The following RAP1GAP2 variants were observed in gnomAD, a reference collection of about 807,000 sequenced individuals.
The protein encoded by RAP1GAP2 is rap1 GTPase-activating protein 2.
A neutral mutation model predicts 95.0 loss-of-function variants in RAP1GAP2; 27 were observed. The ratio of observed to expected loss-of-function variants is 0.28; its 90% CI spans 0.21 to 0.39. RAP1GAP2 has a LOEUF of 0.39. RAP1GAP2 is among the 10% of genes least tolerant of loss of function. The pLI is 1.00. For synonymous variants in RAP1GAP2, 373 were observed against 380.9 expected (o/e 0.98, Z 0.24); for missense variants, 771 against 970.0 (o/e 0.79, Z 2.72).
intron 2 of RAP1GAP2, among the ~76,000 whole-genome samples, chr17:2,832,314 T>G (rs1435763563): frequency 6.6e-6 from 1 of 151,604 alleles, no homozygotes; most frequent in African/African-American, 2.4e-5. Flanking sequence ...ATCCCAGCAC[T>G]TTGGGAGGCC....
At chr17:2,995,681 C>T (rs1342285976) in intron 13 of RAP1GAP2, among the ~76,000 whole-genome samples, 2 of 150,218 alleles carry the variant, frequency 1.3e-5, no homozygotes, top group Non-Finnish European at 2.9e-5. Context: ...GCCGAGGCCA[C>T]ACCTCAGGGG....
chr17:2,838,414 T>C lies in RAP1GAP2; in HGVS notation c.80+37864T>C, dbSNP rs951466386. Reference sequence around the variant, plus strand: ...CATGCTGAACCCAGGGGGTGGTGTGTGCTGCCCTGCAAGGTGATTCTTCTG... The same window carrying C: ...CATGCTGAACCCAGGGGGTGGTGTGCGCTGCCCTGCAAGGTGATTCTTCTG... On this transcript the variant is annotated intron_variant, in intron 2 of 24. Transcript: ENST00000254695. Among the ~76,000 whole-genome samples the C allele has an allele frequency of 1.4e-4, 22 of 152,172 alleles. 1 individual carries two copies. The highest frequency in any genetic ancestry group is 5.3e-4 in the African/African-American group (22 of 41,538).
chr17:2,797,663 G>C lies in RAP1GAP2; in HGVS notation c.44+1092G>C, dbSNP rs543215623. 5.1e-6 allele frequency: 5 copies of C among 981,814 alleles called. No individual in the cohort carries two copies. The highest frequency in any genetic ancestry group is 3.6e-6 in the Non-Finnish European group (3 of 826,772). The allele number at this position is 981,814 out of a possible 1,614,324, so 60.8% of individuals were successfully genotyped here. A position where few individuals can be genotyped will look rare whatever the true frequency, so the allele number is the denominator to read the frequency against. The stretch of plus-strand genomic sequence containing the variant: ...TGCCATCCATCCTCTGGCAGGGGGG[G>C]ACTGTGGGCACTCCATGTTTGGCAG... On this transcript the variant is annotated intron_variant, in intron 1 of 24. Transcript: ENST00000254695. The surrounding 1 kb of genome is among the most constrained non-coding windows in gnomAD (Gnocchi z 5.6).
chr17:2,783,543 G>A (rs900299776), intron 1 of RAP1GAP2, among the ~76,000 whole-genome samples: 6 of 152,176 alleles, frequency 3.9e-5, no homozygotes, highest in African/African-American at 1.2e-4. Flanking sequence ...TACACAACAG[G>A]GACTGTTGCA....
intron 1 of RAP1GAP2, among the ~76,000 whole-genome samples, chr17:2,763,521 C>T (rs1469727019): frequency 3.9e-5 from 6 of 152,006 alleles, no homozygotes; most frequent in Admixed American, 3.9e-4. Flanking sequence ...CATGGTGCAA[C>T]CCTGTCTCTA....
At chr17:3,014,319 A>G (rs1287189124) in intron 17 of RAP1GAP2, among the ~76,000 whole-genome samples, 5 of 152,270 alleles carry the variant, frequency 3.3e-5, no homozygotes, top group African/African-American at 4.8e-5. Flanking sequence ...TAATTGTAAC[A>G]CAAAGACAGG....
At chr17:2,800,476 C>T (rs1345774409) in intron 1 of RAP1GAP2, 39 bp from the exon 2 acceptor site, 1 of 1,604,098 alleles carries the variant, frequency 6.2e-7, no homozygotes, top group Non-Finnish European at 8.5e-7. Flanking sequence ...GAGTCTTCAG[C>T]CTCAGCACTG....
chr17:2,939,467 C>T (rs575396571), intron 3 of RAP1GAP2, among the ~76,000 whole-genome samples: 64 of 152,330 alleles, frequency 4.2e-4, no homozygotes, highest in African/African-American at 1.4e-3. Flanking sequence ...GATGCAGGCA[C>T]CGGTCTCTCT....
Position 3,021,430 on chromosome 17 carries a change from CTT to C in RAP1GAP2, c.1751+860_1751+861del, listed in dbSNP as rs57099220. On this transcript the variant is annotated intron_variant, in intron 19 of 24. Transcript: ENST00000254695. ...ATGAATGAGAACATGCGATATTTGT[CTT>C]TTTTTTTTTTTTTTTTTTTTTTTTG... 6.2e-3 allele frequency among the ~76,000 whole-genome samples: 592 copies of C among 95,652 alleles called. 2 individuals are homozygous for C. The highest frequency in any genetic ancestry group is 0.022 in the African/African-American group (558 of 25,282). 62.8% of individuals were successfully genotyped at this position (95,652 alleles called of 152,430 possible).
At chr17:3,026,695 C>T (rs1200778518) in intron 21 of RAP1GAP2, among the ~76,000 whole-genome samples, 5 of 152,218 alleles carry the variant, frequency 3.3e-5, no homozygotes, top group South Asian at 2.1e-4. Context: ...GGGCCAGACC[C>T]GATGGTGCCC....
chr17:2,941,518 C>T (rs1051676701), intron 3 of RAP1GAP2, among the ~76,000 whole-genome samples: 11 of 151,990 alleles, frequency 7.2e-5, no homozygotes, highest in Non-Finnish European at 1.3e-4. Context: ...GGCAGGAGCC[C>T]GAGGCGCTGT....
chr17:2,970,672 C>CTTG, intron 8 of RAP1GAP2, among the ~76,000 whole-genome samples: 1 of 152,258 alleles, frequency 6.6e-6, no homozygotes, highest in Middle Eastern at 3.4e-3. Context: ...TTAAGAACTG[C>CTTG]CTCTATTTAT....
intron 3 of RAP1GAP2, among the ~76,000 whole-genome samples, chr17:2,917,490 G>A (rs938367729): frequency 4.0e-5 from 6 of 151,726 alleles, no homozygotes; most frequent in African/African-American, 7.3e-5. Context: ...GGCTGGTCTC[G>A]AACTCCTGAC....
chr17:3,019,453 C>T (rs1044549541), intron 18 of RAP1GAP2, among the ~76,000 whole-genome samples: 1 of 149,808 alleles, frequency 6.7e-6, no homozygotes, highest in African/African-American at 2.5e-5. Context: ...GGTTGAGGCT[C>T]TAGCGAGCCG....
chr17:3,022,333 C>G (rs1429138772), intron 19 of RAP1GAP2, among the ~76,000 whole-genome samples: 1 of 152,172 alleles, frequency 6.6e-6, no homozygotes, highest in East Asian at 1.9e-4. Flanking sequence ...AATAGTGCAA[C>G]TACTTTGGAA....
At chr17:2,778,165 T>C (rs1424294656) in intron 1 of RAP1GAP2, among the ~76,000 whole-genome samples, 3 of 150,566 alleles carry the variant, frequency 2.0e-5, no homozygotes, top group Non-Finnish European at 3.0e-5. Context: ...TGGTGCTGGG[T>C]TTTCTGAGTC....
intron 1 of RAP1GAP2, among the ~76,000 whole-genome samples, chr17:2,785,763 G>C (rs2068757035): frequency 6.6e-6 from 1 of 152,186 alleles, no homozygotes; most frequent in Non-Finnish European, 1.5e-5. Context: ...TTAATCCGGT[G>C]TCTGAGGAGT....
intron 3 of RAP1GAP2, among the ~76,000 whole-genome samples, chr17:2,909,150 C>T (rs979995345): frequency 1.3e-5 from 2 of 151,996 alleles, no homozygotes; most frequent in African/African-American, 2.4e-5. Context: ...GAGGATAGAG[C>T]AGGAAGAGAG....
chr17:2,784,768 T>C (rs1196232709), intron 1 of RAP1GAP2, among the ~76,000 whole-genome samples: 2 of 152,020 alleles, frequency 1.3e-5, no homozygotes, highest in East Asian at 3.9e-4. Flanking sequence ...TCTGTCCCAG[T>C]TTATTATCTC....
Sources: allele counts gnomAD v4.1 joint callset (sites outside exome capture counted in the v4.1 genomes callset), GRCh38; gene constraint gnomAD v4.1.1; non-coding constraint Gnocchi (gnomAD v3.1); transcripts MANE v1.5; gene names NCBI Gene and HGNC (gene_info 2026-07-23, HGNC 2026-07-21).